The following AKAP19 variants were observed in gnomAD, a reference collection of about 807,000 sequenced individuals.
AKAP19 encodes the protein small A-kinase anchoring protein.
At chr2:190,101,938 A>C in the AKAP19 span, among the ~76,000 whole-genome samples, 1 of 152,198 alleles carries the variant, frequency 6.6e-6, no homozygotes, top group African/African-American at 2.4e-5. Context: ...AAGGTTGACC[A>C]CATGCTCTGC....
chr2:190,060,089 G>A, the AKAP19 span: 1 of 1,612,554 alleles, frequency 6.2e-7, no homozygotes. Context: ...GTCCTGGGAA[G>A]GTTACAGCAA....
At chr2:189,899,845 A>G in the AKAP19 span, among the ~76,000 whole-genome samples, 2 of 152,076 alleles carry the variant, frequency 1.3e-5, no homozygotes, top group Admixed American at 6.5e-5. Context: ...TAATTCATGA[A>G]TTGCAAAAAT....
the AKAP19 span, among the ~76,000 whole-genome samples, chr2:190,040,036 C>A: frequency 6.6e-6 from 1 of 152,158 alleles, no homozygotes; most frequent in East Asian, 1.9e-4. Flanking sequence ...TGGGTATATA[C>A]CCAGTAATGG....
chr2:189,966,696 A>G, the AKAP19 span, among the ~76,000 whole-genome samples: 1 of 152,202 alleles, frequency 6.6e-6, no homozygotes, highest in African/African-American at 2.4e-5. Context: ...GGAAATCTGA[A>G]TAAGATTAGT....
At chr2:190,139,523 G>T in the AKAP19 span, among the ~76,000 whole-genome samples, 1 of 152,122 alleles carries the variant, frequency 6.6e-6, no homozygotes, top group African/African-American at 2.4e-5. Flanking sequence ...TGCAGGGCTG[G>T]GAGGCCTCAG....
chr2:189,998,885 G>A, the AKAP19 span, among the ~76,000 whole-genome samples: 1 of 143,280 alleles, frequency 7.0e-6, no homozygotes, highest in South Asian at 2.2e-4. Context: ...CAATTTTCCT[G>A]CCCCAGCTGC....
chr2:190,060,128 T>C, the AKAP19 span: 1 of 1,612,958 alleles, frequency 6.2e-7, no homozygotes, highest in Non-Finnish European at 8.5e-7. Context: ...CTAAAGCTTT[T>C]ATTTCAATGC....
the AKAP19 span, among the ~76,000 whole-genome samples, chr2:189,911,703 GA>G: frequency 6.6e-6 from 1 of 151,996 alleles, no homozygotes; most frequent in Non-Finnish European, 1.5e-5. Flanking sequence ...TTTAAAGGCT[GA>G]TTTTTTTAAA....
At chr2:189,940,507 GA>G in the AKAP19 span, among the ~76,000 whole-genome samples, 1 of 151,952 alleles carries the variant, frequency 6.6e-6, no homozygotes, top group African/African-American at 2.4e-5. Context: ...ACAAGATATA[GA>G]AAATTACTTC....
At chr2:190,008,329 C>G in the AKAP19 span, among the ~76,000 whole-genome samples, 2 of 152,072 alleles carry the variant, frequency 1.3e-5, no homozygotes, top group African/African-American at 4.8e-5. Context: ...AAAATTCCCA[C>G]CTCCTTTTAA....
At chr2:189,894,447 CT>C in the AKAP19 span, among the ~76,000 whole-genome samples, 1 of 152,026 alleles carries the variant, frequency 6.6e-6, no homozygotes, top group Non-Finnish European at 1.5e-5. Flanking sequence ...CAAATAAAAT[CT>C]TGTTTATTAT....
the AKAP19 span, among the ~76,000 whole-genome samples, chr2:190,002,254 A>T: frequency 6.6e-6 from 1 of 152,196 alleles, no homozygotes; most frequent in East Asian, 1.9e-4. Context: ...ATTAGTCCAG[A>T]TTTATAATCT....
At chr2:189,961,707 T>G in the AKAP19 span, among the ~76,000 whole-genome samples, 3 of 151,866 alleles carry the variant, frequency 2.0e-5, no homozygotes, top group African/African-American at 7.3e-5. Context: ...GGTAAGGAGT[T>G]CAAGACCAGC....
the AKAP19 span, among the ~76,000 whole-genome samples, chr2:190,147,614 T>G: frequency 1.3e-5 from 2 of 152,246 alleles, no homozygotes; most frequent in Non-Finnish European, 2.9e-5. Context: ...ACAATATTGA[T>G]TCTATGCATT....
the AKAP19 span, chr2:190,200,225 A>T: frequency 8.5e-7 from 1 of 1,180,910 alleles, no homozygotes; most frequent in South Asian, 1.4e-5. Flanking sequence ...CTGGTGTGAA[A>T]AAGTACAAAT....
At chr2:190,023,795 GTATA>G in the AKAP19 span, among the ~76,000 whole-genome samples, 89,688 of 142,658 alleles carry the variant, frequency 0.63, 30,784 homozygotes, top group South Asian at 0.8. Flanking sequence ...ATGTGTGTGT[GTATA>G]TATATATATA....
the AKAP19 span, among the ~76,000 whole-genome samples, chr2:189,939,987 A>G: frequency 6.6e-6 from 1 of 152,116 alleles, no homozygotes; most frequent in Non-Finnish European, 1.5e-5. Context: ...TCTACTAAAA[A>G]TACAAAAATT....
the AKAP19 span, among the ~76,000 whole-genome samples, chr2:189,929,811 C>A: frequency 6.6e-6 from 1 of 151,916 alleles, no homozygotes; most frequent in Non-Finnish European, 1.5e-5. Flanking sequence ...TTTGTGTGTG[C>A]CAGTGTTATA....
At chr2:189,942,609 T>C in the AKAP19 span, among the ~76,000 whole-genome samples, 1 of 152,144 alleles carries the variant, frequency 6.6e-6, no homozygotes, top group African/African-American at 2.4e-5. Flanking sequence ...GACAGGAAGA[T>C]GAGGGAAAGT....
Sources: allele counts gnomAD v4.1 joint callset (sites outside exome capture counted in the v4.1 genomes callset), GRCh38; gene constraint gnomAD v4.1.1; transcripts MANE v1.5; gene names NCBI Gene and HGNC (gene_info 2026-07-23, HGNC 2026-07-21).